The following LHX8 variants were observed in gnomAD, a reference collection of about 807,000 sequenced individuals.
LHX8 encodes the protein LIM/homeobox protein Lhx8.
In LHX8, 12 loss-of-function variants were observed where a neutral mutation model predicts 40.3. The observed-to-expected ratio is 0.30, with a 90% CI of 0.19 to 0.48. The LOEUF (loss-of-function observed/expected upper bound fraction) is 0.48, where lower values mean the gene tolerates loss of function less well. Among genes scored for constraint, LHX8 ranks in the 20% least tolerant of loss-of-function variants. The probability of loss-of-function intolerance (pLI) is 0.99; values close to 1 mark genes in which losing one functional copy is unlikely to be tolerated. For synonymous variants in LHX8, 179 were observed against 162.0 expected, an observed-to-expected ratio of 1.10 and a Z score of -0.80; for missense variants, 344 against 433.7, an observed-to-expected ratio of 0.79 and a Z score of 1.84.
the LHX8 span, among the ~76,000 whole-genome samples, chr1:75,175,999 A>G: frequency 6.6e-6 from 1 of 151,910 alleles, no homozygotes; most frequent in Non-Finnish European, 1.5e-5. Flanking sequence ...AAGGACATGA[A>G]CTCATCCTTT....
chr1:75,149,482 T>TTTGTTG lies in LHX8; in HGVS notation c.780+818_780+823dup, dbSNP rs369217010. 5.3e-5 allele frequency among the ~76,000 whole-genome samples: 8 copies of TTTGTTG among 152,078 alleles called. No individual in the cohort carries two copies. The East Asian group carries it at 1.4e-3, about 26-fold the overall frequency. ...GGAATGCCCAGCAACGTAGTGTGGT[T>TTTGTTG]TTGTTGTTGTTGTTGTTGTTGTTTG... On this transcript the variant is annotated intron_variant, in intron 7 of 8. Coordinates refer to ENST00000356261, the MANE Select transcript of LHX8 (RefSeq NM_001256114.2).
chr1:75,157,792 C>T (rs145153002), intron 8 of LHX8, among the ~76,000 whole-genome samples: 32 of 152,152 alleles, frequency 2.1e-4, no homozygotes, highest in Non-Finnish European at 1.2e-4. Context: ...TAGGAATATA[C>T]CACAATTTAT....
At position 75,148,719 on chromosome 1, in the gene LHX8, A is replaced by G. The variant is rs373666977; in HGVS notation, c.780+37A>G. 1.5e-4 allele frequency: 210 copies of G among 1,432,864 alleles called. 1 individual carries two copies. In the African/African-American group the frequency reaches 2.5e-3, roughly 17 times the overall value. The allele number at this position is 1,432,864 out of a possible 1,614,324, so 88.8% of individuals were successfully genotyped here. Reference sequence around the variant, plus strand: ...ACTTTTTTTTTTTTTTAAGGTTTTTAAAAAATAGATATTGGGTCTCCCTAT... The same window carrying G: ...ACTTTTTTTTTTTTTTAAGGTTTTTGAAAAATAGATATTGGGTCTCCCTAT... On this transcript the variant is annotated intron_variant, in intron 7 of 8. Transcript: ENST00000356261.
At chr1:75,181,596 A>T in the LHX8 span, among the ~76,000 whole-genome samples, 1 of 152,312 alleles carries the variant, frequency 6.6e-6, no homozygotes, top group Admixed American at 6.5e-5. Flanking sequence ...TTCCCGGTAC[A>T]GTCTGTCATG....
chr1:75,176,299 AC>A, the LHX8 span, among the ~76,000 whole-genome samples: 1 of 152,128 alleles, frequency 6.6e-6, no homozygotes, highest in Non-Finnish European at 1.5e-5. Flanking sequence ...CAGGGTAAAC[AC>A]ATTCTTATAT....
At chr1:75,132,402 G>T (rs1647997083), upstream of LHX8, 1 of 152,450 alleles carries the variant, frequency 6.6e-6, no homozygotes, top group East Asian at 1.9e-4. Flanking sequence ...CTGCACCCCG[G>T]GACAGGTCAG....
At chr1:75,153,339 C>G (rs1040622816) in intron 7 of LHX8, among the ~76,000 whole-genome samples, 1 of 151,090 alleles carries the variant, frequency 6.6e-6, no homozygotes, top group Non-Finnish European at 1.5e-5. Context: ...CTCCTGACCT[C>G]GTGATCCACC....
At chr1:75,130,851 C>T (rs1303062675), upstream of LHX8, 1 of 954,404 alleles carries the variant, frequency 1.0e-6, no homozygotes, top group East Asian at 2.4e-5. Flanking sequence ...AACCCTGAAC[C>T]AAGTGTGACA....
In LHX8 at chr1:75,136,650, G is replaced by A. The variant is rs1243595878; in HGVS notation, c.36G>A (p.Ala12=). The A allele has an allele frequency of 6.5e-6, 10 of 1,549,146 alleles. No homozygotes were observed. Among genetic ancestry groups the A allele is most frequent in the Non-Finnish European group, 8.7e-6 (10 of 1,146,750 alleles). Residue 12 remains alanine, a synonymous_variant, in exon 2 of 9, where the codon GCG becomes GCA. Transcript: ENST00000356261. The part of the protein sequence containing the change: ...SEECGRTTAL[A]AGRTRKGAGE... ...AGTGCGGGCGGACTACAGCCCTGGC[G>A]GCCGGGAGGACTCGCAAAGGCGCCG...
chr1:75,188,328 C>T, the LHX8 span, among the ~76,000 whole-genome samples: 2 of 152,122 alleles, frequency 1.3e-5, no homozygotes, highest in South Asian at 2.1e-4. Context: ...TATACCCATA[C>T]GTGTTGCTCA....
intron 3 of LHX8, among the ~76,000 whole-genome samples, chr1:75,140,236 A>ATC (rs1263239764): frequency 1.3e-5 from 2 of 152,212 alleles, no homozygotes; most frequent in African/African-American, 4.8e-5. Flanking sequence ...ATTAAACACC[A>ATC]TCTTATGTTT....
chr1:75,155,784 G>A (rs1648746568), intron 7 of LHX8, among the ~76,000 whole-genome samples: 1 of 152,066 alleles, frequency 6.6e-6, no homozygotes, highest in Non-Finnish European at 1.5e-5. Flanking sequence ...AATATTATGA[G>A]TTTTTTTCTT....
At chr1:75,197,978 A>C in the LHX8 span, among the ~76,000 whole-genome samples, 3 of 152,204 alleles carry the variant, frequency 2.0e-5, no homozygotes, top group Non-Finnish European at 4.4e-5. Context: ...AGAACAAGTA[A>C]AGATTAAGGG....
chr1:75,184,822 T>G, the LHX8 span, among the ~76,000 whole-genome samples: 1 of 69,160 alleles, frequency 1.4e-5, no homozygotes. Context: ...CCAGCAGCTG[T>G]TTTTTTTTTT....
the LHX8 span, among the ~76,000 whole-genome samples, chr1:75,189,973 G>A: frequency 5.9e-5 from 9 of 152,196 alleles, no homozygotes; most frequent in South Asian, 2.1e-4. Context: ...CAAAGGCCTC[G>A]TCAAAATAAG....
chr1:75,190,424 T>C, the LHX8 span, among the ~76,000 whole-genome samples: 1 of 152,172 alleles, frequency 6.6e-6, no homozygotes, highest in African/African-American at 2.4e-5. Flanking sequence ...CATACGTTGA[T>C]TACTCCTCCC....
the LHX8 span, among the ~76,000 whole-genome samples, chr1:75,191,880 A>G: frequency 1.3e-5 from 2 of 152,192 alleles, no homozygotes; most frequent in Non-Finnish European, 2.9e-5. Flanking sequence ...AAAGCCAAGT[A>G]TGTCTGTTAG....
At chr1:75,179,505 T>G in the LHX8 span, among the ~76,000 whole-genome samples, 114 of 121,468 alleles carry the variant, frequency 9.4e-4, 1 homozygote, top group East Asian at 7.3e-3. Context: ...CCCTGTTGTT[T>G]TTTTTTTTTT....
the LHX8 span, among the ~76,000 whole-genome samples, chr1:75,167,052 T>A: frequency 6.6e-6 from 1 of 152,244 alleles, no homozygotes; most frequent in Non-Finnish European, 1.5e-5. Context: ...TGTTCTAATC[T>A]GAGAGTGGAC....
Sources: allele counts gnomAD v4.1 joint callset (sites outside exome capture counted in the v4.1 genomes callset), GRCh38; gene constraint gnomAD v4.1.1; transcripts MANE v1.5; gene names NCBI Gene and HGNC (gene_info 2026-07-23, HGNC 2026-07-21).